The following PRPS2 variants were observed in gnomAD, a reference collection of about 807,000 sequenced individuals.
PRPS2 encodes the protein ribose-phosphate pyrophosphokinase 2.
For missense variants in PRPS2, 104 were observed against 271.5 expected (o/e 0.38, Z 4.34); for synonymous variants, 111 against 115.3 (o/e 0.96, Z 0.24).
chrX:12,801,456 A>C (rs2042570274), intron 2 of PRPS2, among the ~76,000 whole-genome samples: 1 of 112,094 alleles, frequency 8.9e-6, no homozygotes, highest in Non-Finnish European at 1.9e-5. Context: ...TGTCTTAGCT[A>C]TTCTTCCCAT....
intron 4 of PRPS2, among the ~76,000 whole-genome samples, chrX:12,816,956 C>T (rs1431495776): frequency 1.8e-5 from 2 of 111,371 alleles, no homozygotes; most frequent in African/African-American, 6.5e-5. Flanking sequence ...TTCTGGCTTC[C>T]ATTGGGGAAG....
chrX:12,820,383 A>C (rs2042669638), intron 5 of PRPS2, among the ~76,000 whole-genome samples: 1 of 110,518 alleles, frequency 9.0e-6, no homozygotes, highest in South Asian at 3.9e-4. Context: ...ATGCTGTTGA[A>C]TTTTCCCATA....
intron 2 of PRPS2, among the ~76,000 whole-genome samples, chrX:12,802,346 T>C (rs1470195255): frequency 1.8e-5 from 2 of 111,174 alleles, no homozygotes; most frequent in Non-Finnish European, 3.8e-5. Flanking sequence ...TGTTTTGTTT[T>C]GTTTTGTTTT....
chrX:12,805,465 G>T (rs2042588564), intron 2 of PRPS2, among the ~76,000 whole-genome samples: 1 of 112,035 alleles, frequency 8.9e-6, no homozygotes, highest in Admixed American at 9.5e-5. Flanking sequence ...GGGCCGTTGG[G>T]TATCTATTGC....
intron 4 of PRPS2, among the ~76,000 whole-genome samples, chrX:12,811,728 C>A (rs1167269352): frequency 1.8e-5 from 2 of 112,051 alleles, no homozygotes; most frequent in East Asian, 5.6e-4. Context: ...AGCTGAGGAC[C>A]TAGGATCTAA....
intron 1 of PRPS2, among the ~76,000 whole-genome samples, chrX:12,796,185 T>C (rs2042542056): frequency 9.2e-6 from 1 of 108,561 alleles, no homozygotes; most frequent in Admixed American, 9.9e-5. Flanking sequence ...CCAGCCTGTT[T>C]TTAAATTTTC....
At chrX:12,811,247 A>C (rs1010675435) in intron 4 of PRPS2, among the ~76,000 whole-genome samples, 1 of 112,611 alleles carries the variant, frequency 8.9e-6, no homozygotes, top group African/African-American at 3.2e-5. Flanking sequence ...CAAATAAGTA[A>C]GTTTAAAAGG....
At chrX:12,819,459 G>C in intron 4 of PRPS2, 48 bp from the exon 5 acceptor site, 3 of 1,158,118 alleles carry the variant, frequency 2.6e-6, no homozygotes, top group Non-Finnish European at 3.5e-6. Flanking sequence ...CTTTAAAGGC[G>C]AGATCTCTAG....
chrX:12,820,744 G>A lies in PRPS2; in HGVS notation c.805G>A (p.Val269Ile), dbSNP rs1783587533. The A allele has an allele frequency of 3.3e-6, 4 of 1,211,545 alleles. No homozygotes were observed. In the African/African-American group the frequency reaches 6.9e-5, roughly 21 times the overall value. Residue 269 changes from valine (V) to isoleucine (I), a missense_variant, in exon 6 of 7, where the codon GTT (valine) becomes ATT (isoleucine). Physicochemically the swap from Val to Ile is conservative, Grantham distance 29 (BLOSUM62 3). Coordinates refer to ENST00000380668, the MANE Select transcript of PRPS2 (RefSeq NM_002765.5). ...AATAAATAATGCCGCCTTTGAGGCT[G>A]TTGTCGTCACAAACACAATTCCGCA... Reference protein sequence around the residue: ...SRINNAAFEAVVVTNTIPQED... With the variant: ...SRINNAAFEAIVVTNTIPQED...
chrX:12,820,384 T>G (rs893179943), intron 5 of PRPS2, among the ~76,000 whole-genome samples: 1 of 110,929 alleles, frequency 9.0e-6, no homozygotes, highest in African/African-American at 3.3e-5. Flanking sequence ...TGCTGTTGAA[T>G]TTTCCCATAA....
intron 1 of PRPS2, among the ~76,000 whole-genome samples, chrX:12,795,919 TC>T (rs1368993733): frequency 1.8e-5 from 2 of 112,466 alleles, no homozygotes; most frequent in African/African-American, 6.5e-5. Flanking sequence ...ACTCTTTCTA[TC>T]CCCCTCATCC....
rs749190940 is a variant in PRPS2 at position 12,794,996 on chromosome X, ATTCTC to A, written c.122+3382_122+3386del. On this transcript the variant is annotated intron_variant, in intron 1 of 6. Coordinates refer to ENST00000380668, the MANE Select transcript of PRPS2 (RefSeq NM_002765.5). ...GTCTGTCACAGGTTAGCAGGGCTGTATTCTCTTCTGAGGCTCTAGGGGAGAATCTG... is the reference window on the plus strand; with the variant it reads ...GTCTGTCACAGGTTAGCAGGGCTGTATTCTGAGGCTCTAGGGGAGAATCTG... Among the ~76,000 whole-genome samples, 5 of 111,639 alleles carry A rather than the reference ATTCTC, an allele frequency of 4.5e-5. No individual in the cohort carries two copies. In the East Asian group the frequency reaches 1.4e-3, roughly 31 times the overall value.
chrX:12,794,304 CTCT>C (rs200316656), intron 1 of PRPS2, among the ~76,000 whole-genome samples: 246 of 111,787 alleles, frequency 2.2e-3, no homozygotes, highest in African/African-American at 7.2e-3. Context: ...ACCTCAGCTC[CTCT>C]TCTTGTAGGC....
chrX:12,799,793 CG>C (rs2042560601), intron 2 of PRPS2, among the ~76,000 whole-genome samples: 1 of 111,164 alleles, frequency 9.0e-6, no homozygotes, highest in South Asian at 3.8e-4. Flanking sequence ...TTTCACAAGA[CG>C]TTACCACAGG....
At position 12,822,838 on chromosome X, in the gene PRPS2, G is replaced by T; in HGVS notation, c.*42G>T. ...GTCCAGCAAGCCTACTCTGACTTCT[G>T]ACTTGTTTTTGTTTTCTGGATTTTT... On this transcript the variant is annotated 3_prime_UTR_variant, in exon 7 of 7. Coordinates refer to ENST00000380668, the MANE Select transcript of PRPS2 (RefSeq NM_002765.5). 5 of 1,123,552 alleles carry T rather than the reference G, an allele frequency of 4.5e-6. No homozygotes were observed. Among genetic ancestry groups the T allele is most frequent in the Non-Finnish European group, 6.1e-6 (5 of 818,774 alleles). 92.6% of individuals were successfully genotyped at this position (1,123,552 alleles called of 1,213,427 possible).
rs1285369578 is a variant in PRPS2 at position 12,798,062 on chromosome X, G to A, written c.123-1145G>A. ...CCCCTGGGAGGGATGCCTGCAAGAC[G>A]ATGAAATGCAGATGGGACTTGAGGC... On this transcript the variant is annotated intron_variant, in intron 1 of 6. Coordinates refer to ENST00000380668, the MANE Select transcript of PRPS2 (RefSeq NM_002765.5). 2.7e-5 allele frequency among the ~76,000 whole-genome samples: 3 copies of A among 111,897 alleles called. No individual in the cohort carries two copies. The East Asian group carries it at 8.4e-4, about 31-fold the overall frequency.
chrX:12,822,864 AGCT>A lies in PRPS2; in HGVS notation c.*70_*72del. 1.1e-6 allele frequency: 1 copy of A among 884,935 alleles called. No homozygotes were observed. The highest frequency in any genetic ancestry group is 1.7e-6 in the Non-Finnish European group (1 of 605,846). The allele number at this position is 884,935 out of a possible 1,213,427, so 72.9% of individuals were successfully genotyped here. A position where few individuals can be genotyped will look rare whatever the true frequency, so the allele number is the denominator to read the frequency against. On this transcript the variant is annotated 3_prime_UTR_variant, in exon 7 of 7. Coordinates refer to ENST00000380668, the MANE Select transcript of PRPS2 (RefSeq NM_002765.5). ...ACTTGTTTTTGTTTTCTGGATTTTTAGCTGTAGGTATTCAGCAATGATAGGTTA... is the reference window on the plus strand; with the variant it reads ...ACTTGTTTTTGTTTTCTGGATTTTTAGTAGGTATTCAGCAATGATAGGTTA...
chrX:12,791,980 T>G (rs1221266410), intron 1 of PRPS2, among the ~76,000 whole-genome samples: 1 of 111,411 alleles, frequency 9.0e-6, no homozygotes, highest in African/African-American at 3.2e-5. Flanking sequence ...GGGGAGAGAG[T>G]GGGCGCAGCG....
At chrX:12,805,749 C>A (rs1390936326) in intron 2 of PRPS2, among the ~76,000 whole-genome samples, 1 of 112,041 alleles carries the variant, frequency 8.9e-6, no homozygotes, top group Admixed American at 9.5e-5. Flanking sequence ...AGAAGACACT[C>A]AATAACTGCT....
Sources: allele counts gnomAD v4.1 joint callset (sites outside exome capture counted in the v4.1 genomes callset), GRCh38; gene constraint gnomAD v4.1.1; transcripts MANE v1.5; gene names NCBI Gene and HGNC (gene_info 2026-07-23, HGNC 2026-07-21).